Variants in ZNF521 observed in about 807,000 individuals in gnomAD.
ZNF521 encodes zinc finger protein 521.
ZNF521 carries 14 observed loss-of-function variants against 105.5 expected under a neutral mutation model. That is an observed-to-expected ratio of 0.13 (90% CI 0.09 to 0.21). The LOEUF is 0.21. ZNF521 is among the 10% of genes least tolerant of loss of function. The pLI is 1.00. For missense variants in ZNF521, 1,233 were observed against 1,629.7 expected (o/e 0.76, Z 4.19); for synonymous variants, 635 against 606.0 (o/e 1.05, Z -0.70).
Position 25,230,399 on chromosome 18 carries a change from T to C in ZNF521, c.221-2702A>G, listed in dbSNP as rs28680304. Among the ~76,000 whole-genome samples the C allele has an allele frequency of 4.2e-3, 639 of 152,282 alleles. 5 individuals are homozygous for C. Among genetic ancestry groups the C allele is most frequent in the African/African-American group, 0.015 (610 of 41,558 alleles). ...GGACTCACTACTCCAAGCGGGTTGG[T>C]CCACACTCTTCAGGTATCAGACTCC... On this transcript the variant is annotated intron_variant, in intron 3 of 7. Transcript: ENST00000361524.
At position 25,333,339 on chromosome 18, in the gene ZNF521, CAT is replaced by C. The variant is rs528146136; in HGVS notation, c.41-11154_41-11153del. Among the ~76,000 whole-genome samples the C allele has an allele frequency of 2.0e-3, 293 of 149,938 alleles. 2 individuals carry two copies. The highest frequency in any genetic ancestry group is 5.4e-3 in the African/African-American group (220 of 40,988). On this transcript the variant is annotated intron_variant, in intron 2 of 7. Transcript: ENST00000361524. ...CTATATATATATATATATATACACACATATATATATGTAAATATATACGCGGA... is the reference window on the plus strand; with the variant it reads ...CTATATATATATATATATATACACACATATATATGTAAATATATACGCGGA...
chr18:25,243,854 A>T (rs1907518053), intron 3 of ZNF521, among the ~76,000 whole-genome samples: 1 of 152,172 alleles, frequency 6.6e-6, no homozygotes. Flanking sequence ...AAAATTGAGG[A>T]CTTGATGTTT....
intron 2 of ZNF521, among the ~76,000 whole-genome samples, chr18:25,347,202 A>C (rs936483508): frequency 9.2e-5 from 14 of 152,106 alleles, no homozygotes; most frequent in Non-Finnish European, 2.1e-4. Context: ...TACCATGTCT[A>C]CTCTCAGGAA....
chr18:25,067,862 G>A (rs2144110198), intron 7 of ZNF521, among the ~76,000 whole-genome samples: 1 of 152,250 alleles, frequency 6.6e-6, no homozygotes, highest in African/African-American at 2.4e-5. Flanking sequence ...TCGGCAAAAT[G>A]TTACGTATCA....
At chr18:25,081,404 A>T (rs554142520) in intron 7 of ZNF521, among the ~76,000 whole-genome samples, 1 of 152,326 alleles carries the variant, frequency 6.6e-6, no homozygotes, top group African/African-American at 2.4e-5. Flanking sequence ...AGAATTTTTA[A>T]AAACTGAGCT....
intron 3 of ZNF521, among the ~76,000 whole-genome samples, chr18:25,257,845 G>A (rs891803936): frequency 3.3e-5 from 5 of 152,172 alleles, no homozygotes; most frequent in African/African-American, 1.2e-4. Flanking sequence ...TATAACGGGT[G>A]AAGCTCAACA....
intron 5 of ZNF521, among the ~76,000 whole-genome samples, chr18:25,191,456 C>T (rs2035816714): frequency 6.6e-6 from 1 of 152,110 alleles, no homozygotes; most frequent in South Asian, 2.1e-4. Context: ...TTGTCTACCA[C>T]CAGCCGCTTG....
intron 7 of ZNF521, among the ~76,000 whole-genome samples, chr18:25,088,048 A>C (rs984593484): frequency 1.3e-5 from 2 of 152,072 alleles, no homozygotes; most frequent in African/African-American, 4.8e-5. Flanking sequence ...AAGACTGAGG[A>C]GTGGGTGGGC....
chr18:25,199,543 AC>A (rs898534576), intron 4 of ZNF521, among the ~76,000 whole-genome samples: 3 of 152,006 alleles, frequency 2.0e-5, no homozygotes, highest in Non-Finnish European at 2.9e-5. Flanking sequence ...GGAGATGCAT[AC>A]TGAGTATTTA....
intron 4 of ZNF521, among the ~76,000 whole-genome samples, chr18:25,197,933 T>C (rs1437623192): frequency 2.6e-5 from 4 of 151,810 alleles, no homozygotes; most frequent in South Asian, 2.1e-4. Context: ...TACATGAGGA[T>C]TGTCATCTCC....
chr18:25,181,547 A>G (rs558954494), intron 5 of ZNF521, among the ~76,000 whole-genome samples: 3 of 152,338 alleles, frequency 2.0e-5, no homozygotes, highest in East Asian at 3.9e-4. Context: ...CTAACCACCT[A>G]TAATTTATAA....
intron 4 of ZNF521, among the ~76,000 whole-genome samples, chr18:25,221,459 T>C (rs1905722026): frequency 6.6e-6 from 1 of 152,218 alleles, no homozygotes; most frequent in Non-Finnish European, 1.5e-5. Flanking sequence ...ATATTCTATG[T>C]AATTCTAAGT....
At chr18:25,299,143 A>C (rs1911486939) in intron 3 of ZNF521, among the ~76,000 whole-genome samples, 1 of 152,172 alleles carries the variant, frequency 6.6e-6, no homozygotes, top group Non-Finnish European at 1.5e-5. Context: ...AAGGAAACTG[A>C]CTCATCCCTA....
chr18:25,115,575 A>G (rs2034285963), intron 5 of ZNF521, among the ~76,000 whole-genome samples: 1 of 152,226 alleles, frequency 6.6e-6, no homozygotes, highest in Non-Finnish European at 1.5e-5. Context: ...AATAATAAAT[A>G]AAAGTAACAT....
At position 25,277,949 on chromosome 18, in the gene ZNF521, G is replaced by C. The variant is rs142878988; in HGVS notation, c.220+44059C>G. Among the ~76,000 whole-genome samples, 22 of 152,284 alleles carry C rather than the reference G, an allele frequency of 1.4e-4. No homozygotes were observed. The East Asian group carries it at 3.9e-3, about 27-fold the overall frequency. ...TAGATTTCCCTACACCCACAATCCA[G>C]TTAAAATACAAGATCCATCATATCC... On this transcript the variant is annotated intron_variant, in intron 3 of 7. Transcript: ENST00000361524.
intron 2 of ZNF521, among the ~76,000 whole-genome samples, chr18:25,333,785 T>C (rs1192133309): frequency 6.6e-6 from 1 of 152,196 alleles, no homozygotes; most frequent in Non-Finnish European, 1.5e-5. Flanking sequence ...AATCTGCCAG[T>C]GGGAAATATG....
chr18:25,340,874 T>C (rs1568088278), intron 2 of ZNF521, among the ~76,000 whole-genome samples: 1 of 152,140 alleles, frequency 6.6e-6, no homozygotes, highest in Non-Finnish European at 1.5e-5. Flanking sequence ...TCGGCAAGTA[T>C]AAAAAACAGC....
chr18:25,286,104 C>A (rs146144440), intron 3 of ZNF521, among the ~76,000 whole-genome samples: 4 of 152,188 alleles, frequency 2.6e-5, no homozygotes, highest in Non-Finnish European at 5.9e-5. Context: ...GGCTGCAGTG[C>A]GCGCTCTCAG....
intron 4 of ZNF521, among the ~76,000 whole-genome samples, chr18:25,223,685 T>C (rs1905890232): frequency 6.7e-6 from 1 of 150,096 alleles, no homozygotes; most frequent in Admixed American, 6.6e-5. Flanking sequence ...ACTCTGAAAC[T>C]AAGGAGAAAA....
Sources: gnomAD v4.1 joint callset for allele counts (sites outside exome capture counted in the v4.1 genomes callset) on GRCh38, gnomAD v4.1.1 for gene constraint, MANE v1.5 for transcripts, NCBI Gene and HGNC (gene_info 2026-07-23, HGNC 2026-07-21) for gene names.